The following FBXO31 variants were observed in gnomAD, a reference collection of about 807,000 sequenced individuals.
The protein encoded by FBXO31 is F-box protein 31.
FBXO31 carries 24 observed loss-of-function variants against 54.4 expected under a neutral mutation model. The ratio of observed to expected loss-of-function variants is 0.44; its 90% CI spans 0.32 to 0.62. The LOEUF (loss-of-function observed/expected upper bound fraction) is 0.62. FBXO31 is among the 20% of genes least tolerant of loss of function. The probability of loss-of-function intolerance (pLI) is 0.05; values close to 1 mark genes in which losing one functional copy is unlikely to be tolerated. For missense variants in FBXO31, 665 were observed against 787.1 expected (o/e 0.84, Z 1.86); for synonymous variants, 388 against 335.6 (o/e 1.16, Z -1.71).
At chr16:87,382,468 G>A (rs537062020) in intron 1 of FBXO31, among the ~76,000 whole-genome samples, 8 of 152,124 alleles carry the variant, frequency 5.3e-5, no homozygotes, top group Non-Finnish European at 1.0e-4. Flanking sequence ...TTTAAACAGA[G>A]AGAGCCTTGA....
In FBXO31 at chr16:87,336,201, T is replaced by G. The variant is rs1225968931; in HGVS notation, c.796A>C (p.Met266Leu). 1.2e-6 allele frequency: 2 copies of G among 1,613,920 alleles called. No individual in the cohort carries two copies. Among genetic ancestry groups the G allele is most frequent in the South Asian group, 2.2e-5 (2 of 91,066 alleles). Residue 266 changes from methionine to leucine, a missense_variant, in exon 6 of 9, where the codon ATG becomes CTG. Around this residue, in one of 4 missense-constraint regions of FBXO31, gnomAD observed 234 missense variants for 346.8 expected, o/e 0.67. Coordinates refer to ENST00000311635, the MANE Select transcript of FBXO31 (RefSeq NM_024735.5). This position sits in a 1 kb window ranked among gnomAD's most constrained non-coding sequence, Gnocchi z 6.5. ...AACTTCATCAGGATGAGCTCCTGCA[T>G]GTGCTCGTGGAAGATGTCCTCCAGC... ...RTLEDIFHEHMQELILMKFIY... is the reference protein window; with the variant it reads ...RTLEDIFHEHLQELILMKFIY...
rs1029242654 is a variant in FBXO31 at position 87,327,016 on chromosome 16, G to C, written c.*4272C>G. 1 of 152,396 alleles carries C rather than the reference G, an allele frequency of 6.6e-6. No homozygotes were observed. The highest frequency in any genetic ancestry group is 2.4e-5 in the African/African-American group (1 of 41,476). The allele number at this position is 152,396 out of a possible 1,614,324, so 9.4% of individuals were successfully genotyped here. ...TTCAAAAACGGATTTACTTGAAACT[G>C]TGAGGAGAAACAAGTGCACGGGTGC... On this transcript the variant is annotated 3_prime_UTR_variant, in exon 9 of 9. Coordinates refer to ENST00000311635, the MANE Select transcript of FBXO31 (RefSeq NM_024735.5).
At chr16:87,379,160 T>C (rs1906961899) in intron 1 of FBXO31, among the ~76,000 whole-genome samples, 1 of 152,104 alleles carries the variant, frequency 6.6e-6, no homozygotes, top group Admixed American at 6.6e-5. Flanking sequence ...GTCTCACTCT[T>C]GTAGCCCAGG....
chr16:87,385,506 G>C (rs1354906830), upstream of FBXO31, among the ~76,000 whole-genome samples: 1 of 151,614 alleles, frequency 6.6e-6, no homozygotes, highest in Non-Finnish European at 1.5e-5. Context: ...CTATCTACCA[G>C]GGAGATCAGC....
upstream of FBXO31, among the ~76,000 whole-genome samples, chr16:87,387,530 G>A (rs917948849): frequency 2.0e-5 from 3 of 152,178 alleles, no homozygotes; most frequent in African/African-American, 7.2e-5. Flanking sequence ...TGTTAACTGG[G>A]CAGGGCGCGG....
chr16:87,379,513 T>C (rs1404717565), intron 1 of FBXO31, among the ~76,000 whole-genome samples: 2 of 152,192 alleles, frequency 1.3e-5, no homozygotes, highest in African/African-American at 4.8e-5. Flanking sequence ...CTGCAGGTTG[T>C]GTTTGCCCCA....
Position 87,383,666 on chromosome 16 carries a change from C to A in FBXO31, c.79G>T (p.Glu27Ter). 2 of 1,313,378 alleles carry A rather than the reference C, an allele frequency of 1.5e-6. No individual in the cohort carries two copies. The highest frequency in any genetic ancestry group is 2.2e-5 in the South Asian group (1 of 45,160). 81.4% of individuals were successfully genotyped at this position (1,313,378 alleles called of 1,614,324 possible). Residue 27 changes from glutamate (E) to a stop codon, truncating the protein, a stop_gained, in exon 1 of 9, where the codon GAG becomes TAG. Coordinates refer to ENST00000311635, the MANE Select transcript of FBXO31 (RefSeq NM_024735.5). LOFTEE classifies it high-confidence loss of function. This position sits in a 1 kb window ranked among gnomAD's most constrained non-coding sequence, Gnocchi z 4.9. ...GGCTCGCTGTCGGCCGCCGCCGTCT[C>A]GGCCGGGCCCCGGCGCTGCTGGCGG... ...RRRQQRRGPAETAAADSEPDT... is the reference protein window; with the variant it reads ...RRRQQRRGPA
At chr16:87,337,368 T>C (rs564271163) in intron 5 of FBXO31, among the ~76,000 whole-genome samples, 44 of 152,338 alleles carry the variant, frequency 2.9e-4, no homozygotes, top group African/African-American at 1.0e-3. Context: ...TCTCTCCAGA[T>C]TGATCTACAG....
intron 1 of FBXO31, among the ~76,000 whole-genome samples, chr16:87,389,043 T>A (rs1419965506): frequency 1.3e-5 from 2 of 152,198 alleles, no homozygotes; most frequent in African/African-American, 2.4e-5. Context: ...TGCAGTCTTT[T>A]GGGTCACATG....
At chr16:87,363,084 A>C (rs1906205304) in intron 1 of FBXO31, among the ~76,000 whole-genome samples, 1 of 151,756 alleles carries the variant, frequency 6.6e-6, no homozygotes, top group African/African-American at 2.4e-5. Flanking sequence ...CACCAGGTGC[A>C]GGTTAAAAAT....
At chr16:87,342,756 G>C (rs1047987258) in intron 5 of FBXO31, 121 bp downstream of exon 5, 8 of 782,222 alleles carry the variant, frequency 1.0e-5, no homozygotes, top group Admixed American at 5.5e-5. Flanking sequence ...GCTGAACCAT[G>C]TGAAACAGCC....
chr16:87,331,339 G>A lies in FBXO31; in HGVS notation c.1569C>T (p.Ser523=). 6.2e-7 allele frequency: 1 copy of A among 1,614,032 alleles called. No individual in the cohort carries two copies. Among genetic ancestry groups the A allele is most frequent in the Non-Finnish European group, 8.5e-7 (1 of 1,180,044 alleles). The stretch of plus-strand genomic sequence containing the variant: ...TGAGCATCTCATCGAAGGCCTGTGG[G>A]GACGGCGCATCTGCGTTCCGGAAGG... ...QATFRNADAP[S]PQAFDEMLKN... is the part of the protein sequence containing the mutation. The change falls in exon 9 of 9, where the codon TCC becomes TCT. Residue 523 remains serine, a synonymous_variant. Transcript: ENST00000311635.
rs1904955386 is a variant in FBXO31 at position 87,333,987 on chromosome 16, A to G, written c.1296T>C (p.Ala432=). 4 of 1,612,706 alleles carry G rather than the reference A, an allele frequency of 2.5e-6. No homozygotes were observed. Among genetic ancestry groups the G allele is most frequent in the Non-Finnish European group, 3.4e-6 (4 of 1,179,838 alleles). The change falls in exon 8 of 9, where the codon GCT becomes GCC. Residue 432 remains alanine (A), a synonymous_variant. Transcript: ENST00000311635. Reference sequence around the variant, plus strand: ...CACACTGGGCAGGCTGCTCGGCCGCAGCTACGGCATCCCCAGGCTCGCCAC... The same window carrying G: ...CACACTGGGCAGGCTGCTCGGCCGCGGCTACGGCATCCCCAGGCTCGCCAC... ...EDGGEPGDAV[A]AAEQPAQCGQ... is the part of the protein sequence containing the mutation.
chr16:87,376,781 C>T (rs1906842249), intron 1 of FBXO31, among the ~76,000 whole-genome samples: 1 of 152,202 alleles, frequency 6.6e-6, no homozygotes, highest in Admixed American at 6.5e-5. Context: ...CCAAGCTCTG[C>T]TCCTCCTCAC....
At chr16:87,344,236 C>T (rs77477447) in intron 3 of FBXO31, among the ~76,000 whole-genome samples, 11 of 152,202 alleles carry the variant, frequency 7.2e-5, no homozygotes, top group African/African-American at 2.7e-4. Context: ...AGGGCGCTGC[C>T]CGGAGGGACG....
chr16:87,330,930 C>A lies in FBXO31; in HGVS notation c.*358G>T. The A allele has an allele frequency of 3.7e-6, 1 of 266,738 alleles. No individual in the cohort carries two copies. Among genetic ancestry groups the A allele is most frequent in the South Asian group, 4.4e-5 (1 of 22,630 alleles). The allele number at this position is 266,738 out of a possible 1,614,324, so 16.5% of individuals were successfully genotyped here. A position where few individuals can be genotyped will look rare whatever the true frequency, so the allele number is the denominator to read the frequency against. ...TCACTCTATCCGCTCACAGGAAGAG[C>A]ACCAGTCAGGAGGGTCCTGCTTCCC... On this transcript the variant is annotated 3_prime_UTR_variant, in exon 9 of 9. Transcript: ENST00000311635.
chr16:87,367,483 C>T (rs1906418955), intron 1 of FBXO31: 1 of 152,240 alleles, frequency 6.6e-6, no homozygotes, highest in Non-Finnish European at 1.5e-5. Flanking sequence ...TCCTGAGACC[C>T]ACCAGTCAGC....
At chr16:87,361,328 T>C (rs1906121765) in intron 1 of FBXO31, among the ~76,000 whole-genome samples, 1 of 152,256 alleles carries the variant, frequency 6.6e-6, no homozygotes, top group Admixed American at 6.5e-5. Context: ...TATGGTCAGC[T>C]GGGACCAAGA....
upstream of FBXO31, chr16:87,383,869 C>G (rs1215022328): frequency 5.8e-6 from 4 of 689,764 alleles, no homozygotes; most frequent in Non-Finnish European, 7.6e-6. This position sits in a 1 kb window ranked among gnomAD's most constrained non-coding sequence, Gnocchi z 4.9. Context: ...AGCCCCGCCC[C>G]TACGTAGAGC....
Sources: allele counts gnomAD v4.1 joint callset (sites outside exome capture counted in the v4.1 genomes callset), GRCh38; gene constraint gnomAD v4.1.1; regional missense constraint gnomAD v4.1.1; non-coding constraint Gnocchi (gnomAD v3.1); transcripts MANE v1.5; gene names NCBI Gene and HGNC (gene_info 2026-07-23, HGNC 2026-07-21).